Variants in BLOC1S6 observed in about 807,000 individuals in gnomAD.
The protein encoded by BLOC1S6 is biogenesis of lysosome-related organelles complex 1 subunit 6.
BLOC1S6 carries 24 observed loss-of-function variants against 24.7 expected under a neutral mutation model. The observed-to-expected ratio is 0.97, with a 90% CI of 0.70 to 1.37. The LOEUF (loss-of-function observed/expected upper bound fraction) is 1.37. Among genes scored for constraint, BLOC1S6 ranks in the 40% most tolerant of loss-of-function variants. The pLI is 0.00. For synonymous variants in BLOC1S6, 76 were observed against 72.6 expected (o/e 1.05, Z -0.23); for missense variants, 175 against 196.2 (o/e 0.89, Z 0.64).
chr15:45,600,775 A>G (rs995563138), intron 2 of BLOC1S6, among the ~76,000 whole-genome samples: 1 of 152,132 alleles, frequency 6.6e-6, no homozygotes, highest in African/African-American at 2.4e-5. Context: ...TCTTTCTTGT[A>G]ATATCTTTAT....
chr15:45,606,313 C>CAGA, intron 4 of BLOC1S6, 82 bp from the exon 5 acceptor site: 1 of 1,548,704 alleles, frequency 6.5e-7, no homozygotes, highest in South Asian at 1.1e-5. Context: ...TACCTCAAAG[C>CAGA]AGAGCACTGT....
chr15:45,593,170 G>A (rs1047780543), intron 2 of BLOC1S6, among the ~76,000 whole-genome samples: 1 of 151,828 alleles, frequency 6.6e-6, no homozygotes, highest in South Asian at 2.1e-4. Context: ...GAGGCGGGCG[G>A]ATCACTTGAG....
intron 2 of BLOC1S6, chr15:45,602,446 G>A (rs1402156505): frequency 1.7e-6 from 1 of 598,706 alleles, no homozygotes; most frequent in East Asian, 2.8e-5. Context: ...AAATATCAAG[G>A]AAGTTGGCTT....
chr15:45,592,931 G>A (rs1454945852), intron 2 of BLOC1S6, among the ~76,000 whole-genome samples: 1 of 152,150 alleles, frequency 6.6e-6, no homozygotes, highest in Non-Finnish European at 1.5e-5. Flanking sequence ...TCTTTCTGTG[G>A]TGGTCAGCTT....
chr15:45,588,670 A>T (rs993027217), intron 1 of BLOC1S6, among the ~76,000 whole-genome samples: 2 of 152,146 alleles, frequency 1.3e-5, no homozygotes, highest in Non-Finnish European at 2.9e-5. Context: ...TCATTCCTGA[A>T]CTCAGAAACC....
intron 3 of BLOC1S6, among the ~76,000 whole-genome samples, chr15:45,604,442 TC>T: frequency 6.6e-6 from 1 of 152,140 alleles, no homozygotes; most frequent in Non-Finnish European, 1.5e-5. Flanking sequence ...ATTTTTGTGT[TC>T]CCCACTGAAA....
intron 2 of BLOC1S6, among the ~76,000 whole-genome samples, chr15:45,592,792 G>C (rs1490869114): frequency 6.6e-6 from 1 of 152,226 alleles, no homozygotes; most frequent in Non-Finnish European, 1.5e-5. Flanking sequence ...AGAACCCATA[G>C]AGTGGGATCA....
intron 2 of BLOC1S6, among the ~76,000 whole-genome samples, chr15:45,600,277 C>T (rs1894226349): frequency 6.6e-6 from 1 of 151,058 alleles, no homozygotes; most frequent in South Asian, 2.1e-4. Flanking sequence ...CACATGTATA[C>T]ATACGTAACT....
intron 1 of BLOC1S6, among the ~76,000 whole-genome samples, chr15:45,589,017 TC>T (rs934943944): frequency 3.3e-5 from 5 of 152,204 alleles, no homozygotes; most frequent in Non-Finnish European, 5.9e-5. Flanking sequence ...ACAGTCTACT[TC>T]TAAGAATTTA....
At chr15:45,603,539 A>G (rs1396083890) in intron 3 of BLOC1S6, among the ~76,000 whole-genome samples, 1 of 152,114 alleles carries the variant, frequency 6.6e-6, no homozygotes, top group Non-Finnish European at 1.5e-5. Flanking sequence ...GTGAGAACCC[A>G]TCTCTACAAA....
intron 3 of BLOC1S6, 58 bp downstream of exon 3, chr15:45,603,245 CTTAGCT>C: frequency 4.5e-6 from 5 of 1,108,884 alleles, no homozygotes; most frequent in African/African-American, 2.8e-5. Flanking sequence ...ATAGCTAAGA[CTTAGCT>C]AAGCAATAGC....
chr15:45,590,793 T>C (rs1040489304), intron 1 of BLOC1S6, among the ~76,000 whole-genome samples: 1 of 152,172 alleles, frequency 6.6e-6, no homozygotes, highest in African/African-American at 2.4e-5. Flanking sequence ...GTGATAACTG[T>C]TCTATAGAGT....
intron 1 of BLOC1S6, among the ~76,000 whole-genome samples, chr15:45,589,422 G>C (rs1000807029): frequency 6.6e-6 from 1 of 152,186 alleles, no homozygotes; most frequent in Non-Finnish European, 1.5e-5. Flanking sequence ...TTTTTACAGT[G>C]AGTAACACTC....
intron 3 of BLOC1S6, among the ~76,000 whole-genome samples, chr15:45,604,482 G>C (rs146675615): frequency 6.6e-6 from 1 of 152,208 alleles, no homozygotes; most frequent in East Asian, 1.9e-4. Context: ...AATATTTGTT[G>C]AATGAATGAA....
intron 2 of BLOC1S6, among the ~76,000 whole-genome samples, chr15:45,592,803 G>A (rs943460013): frequency 1.3e-5 from 2 of 152,188 alleles, no homozygotes; most frequent in South Asian, 4.1e-4. Flanking sequence ...AGTGGGATCA[G>A]TATACAAAAA....
At chr15:45,592,351 G>GT in intron 2 of BLOC1S6, 75 bp downstream of exon 2, 1 of 1,535,470 alleles carries the variant, frequency 6.5e-7, no homozygotes, top group Non-Finnish European at 8.9e-7. Flanking sequence ...TGTATACTGT[G>GT]TTAAGACATA....
intron 2 of BLOC1S6, 106 bp downstream of exon 2, chr15:45,592,382 A>G (rs1243534534): frequency 6.1e-6 from 8 of 1,302,682 alleles, no homozygotes; most frequent in African/African-American, 5.9e-5. Flanking sequence ...ACATGCAATT[A>G]TAATTGAGTA....
chr15:45,605,322 G>T, intron 3 of BLOC1S6, 106 bp from the exon 4 acceptor site: 2 of 853,458 alleles, frequency 2.3e-6, no homozygotes, highest in South Asian at 3.2e-5. Flanking sequence ...TAAAAATTTT[G>T]ACCAATTTAG....
At position 45,605,502 on chromosome 15, in the gene BLOC1S6, ATCAAAGT is replaced by A; in HGVS notation, c.389_395del (p.Ser130Ter). The A allele has an allele frequency of 6.2e-7, 1 of 1,607,794 alleles. No individual in the cohort carries two copies. Among genetic ancestry groups the A allele is most frequent in the Non-Finnish European group, 8.5e-7 (1 of 1,174,662 alleles). On this transcript the variant is annotated frameshift_variant, in exon 4 of 5. Transcript: ENST00000220531. LOFTEE classifies it high-confidence loss of function. Reference sequence around the variant, plus strand: ...AGATGCTGATGCTTCATGAAAAAACATCAAAGTTAAAAGTGAGTTGAAAATTCTTTCA... The same window carrying A: ...AGATGCTGATGCTTCATGAAAAAACATAAAAGTGAGTTGAAAATTCTTTCA...
Sources: gnomAD v4.1 joint callset for allele counts (sites outside exome capture counted in the v4.1 genomes callset) on GRCh38, gnomAD v4.1.1 for gene constraint, MANE v1.5 for transcripts, NCBI Gene and HGNC (gene_info 2026-07-23, HGNC 2026-07-21) for gene names.